The following CFAP20DC variants were observed in gnomAD, a reference collection of about 807,000 sequenced individuals.
CFAP20DC encodes CFAP20 domain containing, also known as protein CFAP20DC.
A neutral mutation model predicts 101.7 loss-of-function variants in CFAP20DC; 84 were observed. That is an observed-to-expected ratio of 0.83 (90% CI 0.69 to 0.99). The LOEUF is 0.99. Ranked by LOEUF, CFAP20DC falls within the 50% of genes least tolerant of loss-of-function variation. The pLI, the probability that CFAP20DC is intolerant of heterozygous loss-of-function variation, is 0.00. For synonymous variants in CFAP20DC, 359 were observed against 351.2 expected (o/e 1.02, Z -0.25); for missense variants, 1,007 against 970.3 (o/e 1.04, Z -0.50).
At chr3:58,842,188 C>A (rs192445681) in intron 13 of CFAP20DC, among the ~76,000 whole-genome samples, 1 of 151,646 alleles carries the variant, frequency 6.6e-6, no homozygotes, top group South Asian at 2.1e-4. Flanking sequence ...GGAACAGCTC[C>A]GGTCTACAGC....
chr3:58,734,409 C>A (rs1350330568), intron 3 of CFAP20DC: 1 of 370,482 alleles, frequency 2.7e-6, no homozygotes, highest in Non-Finnish European at 5.4e-6. Context: ...CCTGAAAGTC[C>A]TCGGTCTGAC....
intron 16 of CFAP20DC, among the ~76,000 whole-genome samples, chr3:58,751,390 C>T (rs1215711460): frequency 2.0e-5 from 3 of 152,124 alleles, no homozygotes; most frequent in Admixed American, 6.6e-5. Context: ...TACCCAGGCC[C>T]GGCAGTTCCA....
At chr3:59,010,299 C>T (rs2093552721) in intron 4 of CFAP20DC, among the ~76,000 whole-genome samples, 1 of 152,100 alleles carries the variant, frequency 6.6e-6, no homozygotes, top group South Asian at 2.1e-4. Flanking sequence ...CAAGTATCTG[C>T]TGTCTTCAAG....
chr3:58,988,532 T>A (rs1290695718), intron 4 of CFAP20DC, among the ~76,000 whole-genome samples: 2 of 152,152 alleles, frequency 1.3e-5, no homozygotes, highest in African/African-American at 4.8e-5. Context: ...TTCTAAAGCA[T>A]CTTCCTAAAG....
chr3:58,841,063 C>T (rs572740440), intron 13 of CFAP20DC, among the ~76,000 whole-genome samples: 3 of 152,292 alleles, frequency 2.0e-5, no homozygotes, highest in Non-Finnish European at 4.4e-5. Flanking sequence ...ATCAAATGAC[C>T]TAGAGCAGCA....
At position 58,869,312 on chromosome 3, in the gene CFAP20DC, C is replaced by T; in HGVS notation, c.1015+16G>A. ...TTTTCACTAGCTATCAATCTTTATGCATGATTATTTCTTACCATGAATAGG... is the reference window on the plus strand; with the variant it reads ...TTTTCACTAGCTATCAATCTTTATGTATGATTATTTCTTACCATGAATAGG... On this transcript the variant is annotated intron_variant, in intron 9 of 16. Transcript: ENST00000482387. The surrounding 1 kb of genome is among the most constrained non-coding windows in gnomAD (Gnocchi z 4.3). 6.3e-7 allele frequency: 1 copy of T among 1,593,976 alleles called. No individual in the cohort carries two copies. The highest frequency in any genetic ancestry group is 8.6e-7 in the Non-Finnish European group (1 of 1,166,256).
chr3:58,920,072 C>CTTT (rs71091396), intron 5 of CFAP20DC, among the ~76,000 whole-genome samples: 741 of 46,812 alleles, frequency 0.016, 114 homozygotes, highest in African/African-American at 0.06. Flanking sequence ...GGTGGATATT[C>CTTT]TTTTTTTTTT....
intron 15 of CFAP20DC, among the ~76,000 whole-genome samples, chr3:58,790,499 G>A (rs2072758345): frequency 6.6e-6 from 1 of 152,162 alleles, no homozygotes; most frequent in African/African-American, 2.4e-5. Flanking sequence ...GGTTCCATGA[G>A]CAGATGAACA....
At chr3:58,831,631 A>G in intron 14 of CFAP20DC, 55 bp downstream of exon 14, 1 of 1,514,506 alleles carries the variant, frequency 6.6e-7, no homozygotes, top group Non-Finnish European at 9.1e-7. Flanking sequence ...ATTTGTTAGA[A>G]AAAAGCTTGC....
rs78356513 is a variant in CFAP20DC, at chr3:58,945,277, T to C, written c.279-7515A>G. Among the ~76,000 whole-genome samples, 385 of 152,254 alleles carry C rather than the reference T, an allele frequency of 2.5e-3. 12 individuals carry two copies. The East Asian group carries it at 0.059, about 23-fold the overall frequency. ...CTTGCTTTCTTTTTGGGGCAGGTGA[T>C]CCCTATAAACACATGCATAGTAGAA... is the stretch of plus-strand genomic sequence containing the variant. On this transcript the variant is annotated intron_variant, in intron 4 of 16. Coordinates refer to ENST00000482387, the MANE Select transcript of CFAP20DC (RefSeq NM_001394063.1).
chr3:58,781,967 A>T (rs12632511), intron 15 of CFAP20DC, among the ~76,000 whole-genome samples: 1 of 152,026 alleles, frequency 6.6e-6, no homozygotes, highest in African/African-American at 2.4e-5. Flanking sequence ...CAATGACACA[A>T]CAAAGATAAG....
At chr3:58,963,190 T>TGTGTG (rs2091283461) in intron 4 of CFAP20DC, among the ~76,000 whole-genome samples, 25 of 118,300 alleles carry the variant, frequency 2.1e-4, no homozygotes, top group South Asian at 1.1e-3. Context: ...GTTCAGTAGT[T>TGTGTG]TGTGTGTGTG....
chr3:58,969,877 G>C (rs1344221866), intron 4 of CFAP20DC, among the ~76,000 whole-genome samples: 1 of 152,136 alleles, frequency 6.6e-6, no homozygotes, highest in Non-Finnish European at 1.5e-5. Context: ...AGGGAGTGGA[G>C]AGTACCTGCT....
Position 58,721,286 on chromosome 3 carries a change from A to G in CFAP20DC, c.198-3658T>C, listed in dbSNP as rs557145754. On this transcript the variant is annotated intron_variant, in intron 3 of 3. Coordinates refer to the CFAP20DC transcript ENST00000486145. This position sits in a 1 kb window ranked among gnomAD's most constrained non-coding sequence, Gnocchi z 5.2. The stretch of plus-strand genomic sequence containing the variant: ...ACCTTATCTGGGCCAGGGATTGTGT[A>G]CTTCTGGGTGCATGTGTTGGGGCAG... Among the ~76,000 whole-genome samples, 1 of 152,318 alleles carries G rather than the reference A, an allele frequency of 6.6e-6. No individual in the cohort carries two copies. Among genetic ancestry groups the G allele is most frequent in the East Asian group, 1.9e-4 (1 of 5,182 alleles).
chr3:58,909,937 A>G (rs2083977352), intron 6 of CFAP20DC, among the ~76,000 whole-genome samples: 1 of 151,982 alleles, frequency 6.6e-6, no homozygotes, highest in Admixed American at 6.6e-5. Context: ...CCCTGTGTCC[A>G]TATGTTTTCA....
intron 4 of CFAP20DC, among the ~76,000 whole-genome samples, chr3:59,010,460 A>T (rs1235174552): frequency 6.6e-6 from 1 of 152,202 alleles, no homozygotes; most frequent in Non-Finnish European, 1.5e-5. Flanking sequence ...AAAAAAGGCA[A>T]TAAGGGATAT....
chr3:58,842,437 GA>G (rs1330483523), intron 13 of CFAP20DC, among the ~76,000 whole-genome samples: 1 of 152,030 alleles, frequency 6.6e-6, no homozygotes, highest in Non-Finnish European at 1.5e-5. Context: ...ACTCCCACCC[GA>G]ATATTGCGCT....
chr3:58,905,729 C>T (rs1430726427), intron 6 of CFAP20DC, among the ~76,000 whole-genome samples: 1 of 152,166 alleles, frequency 6.6e-6, no homozygotes, highest in African/African-American at 2.4e-5. Flanking sequence ...AATCAAATCC[C>T]AGTGTGGAAT....
At chr3:58,968,480 T>G (rs938986439) in intron 4 of CFAP20DC, among the ~76,000 whole-genome samples, 1 of 152,246 alleles carries the variant, frequency 6.6e-6, no homozygotes, top group Non-Finnish European at 1.5e-5. Flanking sequence ...GAGCTTTTTT[T>G]CATATGTTTA....
Sources: gnomAD v4.1 joint callset for allele counts (sites outside exome capture counted in the v4.1 genomes callset) on GRCh38, gnomAD v4.1.1 for gene constraint, Gnocchi (gnomAD v3.1) non-coding constraint, MANE v1.5 for transcripts, NCBI Gene and HGNC (gene_info 2026-07-23, HGNC 2026-07-21) for gene names.